DNAJC1: variants seen among roughly 807,000 people sequenced by gnomAD.
DNAJC1 encodes the protein DnaJ heat shock protein family (Hsp40) member C1.
DNAJC1 carries 58 observed loss-of-function variants against 76.6 expected under a neutral mutation model. That is an observed-to-expected ratio of 0.76 (90% CI 0.61 to 0.94). The LOEUF (loss-of-function observed/expected upper bound fraction) is 0.94. Ranked by LOEUF, DNAJC1 falls within the 40% of genes least tolerant of loss-of-function variation. The pLI is 0.00. For missense variants in DNAJC1, 689 were observed against 677.3 expected (o/e 1.02, Z -0.19); for synonymous variants, 258 against 267.9 (o/e 0.96, Z 0.36).
At position 21,891,476 on chromosome 10, in the gene DNAJC1, C is replaced by CAA. The variant is rs369729722; in HGVS notation, c.821-9039_821-9038dup. On this transcript the variant is annotated intron_variant, in intron 7 of 11. Coordinates refer to ENST00000376980, the MANE Select transcript of DNAJC1 (RefSeq NM_022365.4). ...TGCCCAATCTGAAAAACAAAGTAGA[C>CAA]AAAAAAAAAAAAAAAAAAAGAAAAG... Among the ~76,000 whole-genome samples, 12 of 38,864 alleles carry CAA rather than the reference C, an allele frequency of 3.1e-4. 1 individual carries two copies. Among genetic ancestry groups the CAA allele is most frequent in the Admixed American group, 6.2e-4 (2 of 3,208 alleles). The allele number at this position is 38,864 out of a possible 152,430, so 25.5% of individuals were successfully genotyped here. A position where few individuals can be genotyped will look rare whatever the true frequency, so the allele number is the denominator to read the frequency against.
chr10:21,889,268 G>T (rs929549191), intron 7 of DNAJC1, among the ~76,000 whole-genome samples: 2 of 152,122 alleles, frequency 1.3e-5, no homozygotes, highest in Non-Finnish European at 2.9e-5. Flanking sequence ...AGAACTCACT[G>T]TCTCAAGAAG....
intron 1 of DNAJC1, among the ~76,000 whole-genome samples, chr10:21,987,381 T>C (rs1269927090): frequency 6.6e-6 from 1 of 152,188 alleles, no homozygotes; most frequent in East Asian, 1.9e-4. Context: ...TGTTCATTAG[T>C]ATCTACAATA....
At chr10:21,777,031 T>C (rs1201150657) in intron 9 of DNAJC1, among the ~76,000 whole-genome samples, 1 of 152,220 alleles carries the variant, frequency 6.6e-6, no homozygotes, top group Non-Finnish European at 1.5e-5. Context: ...TTCTTAACTA[T>C]ACATAATAAG....
At chr10:21,766,012 T>A (rs950258859) in intron 10 of DNAJC1, among the ~76,000 whole-genome samples, 11 of 152,156 alleles carry the variant, frequency 7.2e-5, no homozygotes, top group African/African-American at 2.7e-4. Context: ...CCCCACAAAT[T>A]AAACTATAGA....
chr10:21,879,862 T>C (rs1260578231), intron 8 of DNAJC1, among the ~76,000 whole-genome samples: 1 of 152,148 alleles, frequency 6.6e-6, no homozygotes, highest in Non-Finnish European at 1.5e-5. Context: ...TTGGTAAAGG[T>C]TGGGGTGTCT....
intron 6 of DNAJC1, among the ~76,000 whole-genome samples, chr10:21,910,239 C>T (rs957476531): frequency 2.0e-5 from 3 of 151,902 alleles, no homozygotes; most frequent in African/African-American, 7.3e-5. Flanking sequence ...CCTCAGTCTC[C>T]CAAATAGCTG....
chr10:21,759,138 C>T lies in DNAJC1; in HGVS notation c.1596+32G>A, dbSNP rs759506054. 3.8e-6 allele frequency: 6 copies of T among 1,588,236 alleles called. No individual in the cohort carries two copies. In the Middle Eastern group the frequency reaches 5.1e-4, roughly 135 times the overall value. On this transcript the variant is annotated intron_variant, in intron 11 of 11. Transcript: ENST00000376980. The stretch of plus-strand genomic sequence containing the variant: ...TGGCTCCTCTGGTGGGATTCTAACA[C>T]CTGTGCAGAGGCCTCTTTCCCCATC...
chr10:21,810,783 TC>T (rs1219608000), intron 8 of DNAJC1, among the ~76,000 whole-genome samples: 1 of 152,192 alleles, frequency 6.6e-6, no homozygotes, highest in African/African-American at 2.4e-5. Flanking sequence ...GTATGGTGCC[TC>T]CTGGTGGATT....
In DNAJC1 at chr10:21,840,591, C is replaced by T. The variant is rs577426271; in HGVS notation, c.979-34492G>A. Among the ~76,000 whole-genome samples, 368 of 152,092 alleles carry T rather than the reference C, an allele frequency of 2.4e-3. 2 individuals are homozygous for T. The highest frequency in any genetic ancestry group is 0.017 in the Middle Eastern group (5 of 294). On this transcript the variant is annotated intron_variant, in intron 8 of 11. Coordinates refer to ENST00000376980, the MANE Select transcript of DNAJC1 (RefSeq NM_022365.4). ...AGGAGAACTACAAACCACTGCTCAA[C>T]GAAATAAAAGAGGATACAAACAAAT...
intron 7 of DNAJC1, among the ~76,000 whole-genome samples, chr10:21,898,240 T>C (rs984253593): frequency 2.0e-5 from 3 of 152,162 alleles, no homozygotes; most frequent in African/African-American, 4.8e-5. Context: ...TGAAGAAACA[T>C]ACTATATTCA....
chr10:21,898,836 T>TAA (rs796846094), intron 7 of DNAJC1, among the ~76,000 whole-genome samples: 4 of 131,290 alleles, frequency 3.0e-5, no homozygotes, highest in Admixed American at 7.7e-5. Flanking sequence ...TTCTACTTAC[T>TAA]AAAAAAAAAA....
At chr10:21,904,497 TA>T in intron 7 of DNAJC1, 24 bp downstream of exon 7, 1 of 1,398,772 alleles carries the variant, frequency 7.1e-7, no homozygotes, top group Non-Finnish European at 9.8e-7. Flanking sequence ...ATGACATTGT[TA>T]AAACACTAAT....
chr10:21,964,283 C>T (rs1326006614), intron 1 of DNAJC1, among the ~76,000 whole-genome samples: 6 of 152,114 alleles, frequency 3.9e-5, no homozygotes, highest in Non-Finnish European at 8.8e-5. Context: ...GGCACGATCT[C>T]GGCCCACTGC....
chr10:21,943,126 A>G (rs1309267880), intron 1 of DNAJC1, among the ~76,000 whole-genome samples: 1 of 152,192 alleles, frequency 6.6e-6, no homozygotes, highest in Admixed American at 6.5e-5. Flanking sequence ...TCTATGAGAA[A>G]TGAAATTCTA....
At chr10:21,806,139 G>A in intron 8 of DNAJC1, 40 bp from the exon 9 acceptor site, 1 of 1,547,162 alleles carries the variant, frequency 6.5e-7, no homozygotes, top group South Asian at 1.2e-5. Flanking sequence ...ATAATTGGGA[G>A]AAAATAAAAA....
At chr10:21,891,339 C>T (rs1315123524) in intron 7 of DNAJC1, among the ~76,000 whole-genome samples, 1 of 151,554 alleles carries the variant, frequency 6.6e-6, no homozygotes, top group Non-Finnish European at 1.5e-5. Flanking sequence ...ATGGAAATGT[C>T]AGAATTGATG....
rs117822899 is a variant in DNAJC1, at chr10:21,914,975, T to C, written c.729+3804A>G. On this transcript the variant is annotated intron_variant, in intron 6 of 11. Transcript: ENST00000376980. ...GCATATATACCGTATTGTAGAATGGTTATTTAAATTCATGTGTTATAACTG... is the reference window on the plus strand; with the variant it reads ...GCATATATACCGTATTGTAGAATGGCTATTTAAATTCATGTGTTATAACTG... 3.8e-4 allele frequency among the ~76,000 whole-genome samples: 58 copies of C among 152,296 alleles called. No individual in the cohort carries two copies. The East Asian group carries it at 0.011, about 28-fold the overall frequency.
chr10:21,867,153 A>AGTTACAGTT (rs1836014541), intron 8 of DNAJC1, among the ~76,000 whole-genome samples: 1 of 152,150 alleles, frequency 6.6e-6, no homozygotes. Context: ...GAAAAAATAA[A>AGTTACAGTT]ACAGTTGAAA....
chr10:21,882,203 A>AT, intron 8 of DNAJC1, 79 bp downstream of exon 8: 1 of 1,307,886 alleles, frequency 7.6e-7, no homozygotes, highest in Non-Finnish European at 1.0e-6. Context: ...ACAAAGCACT[A>AT]TATCGTGAGC....
Sources: gnomAD v4.1 joint callset for allele counts (sites outside exome capture counted in the v4.1 genomes callset) on GRCh38, gnomAD v4.1.1 for gene constraint, MANE v1.5 for transcripts, NCBI Gene and HGNC (gene_info 2026-07-23, HGNC 2026-07-21) for gene names.